ITCH: variants seen among roughly 807,000 people sequenced by gnomAD.
ITCH encodes the protein itchy E3 ubiquitin protein ligase.
In ITCH, 28 loss-of-function variants were observed where a neutral mutation model predicts 126.8. That is an observed-to-expected ratio of 0.22 (90% CI 0.16 to 0.30). The LOEUF is 0.30. ITCH is among the 10% of genes least tolerant of loss of function. The pLI, the probability that ITCH is intolerant of heterozygous loss-of-function variation, is 1.00. For missense variants in ITCH, 631 were observed against 1,032.4 expected, an observed-to-expected ratio of 0.61 and a Z score of 5.33; for synonymous variants, 342 against 340.0, an observed-to-expected ratio of 1.01 and a Z score of -0.06.
At chr20:34,381,052 T>G (rs2146020632) in intron 2 of ITCH, among the ~76,000 whole-genome samples, 1 of 152,116 alleles carries the variant, frequency 6.6e-6, no homozygotes, top group Middle Eastern at 3.4e-3. Context: ...CCTTTCGAAG[T>G]GCTGGGATTA....
chr20:34,378,083 G>GTCA (rs2037913743), intron 2 of ITCH, among the ~76,000 whole-genome samples: 2 of 150,514 alleles, frequency 1.3e-5, no homozygotes, highest in Admixed American at 1.3e-4. Flanking sequence ...AATACAAAAT[G>GTCA]TCATTATTTT....
chr20:34,427,516 G>A (rs1355565459), intron 7 of ITCH, among the ~76,000 whole-genome samples: 1 of 152,112 alleles, frequency 6.6e-6, no homozygotes, highest in African/African-American at 2.4e-5. Flanking sequence ...AGTGGGGAGG[G>A]TGCCCAAAGT....
chr20:34,475,307 TG>T (rs1317902816), intron 16 of ITCH, among the ~76,000 whole-genome samples: 1 of 152,086 alleles, frequency 6.6e-6, no homozygotes, highest in Non-Finnish European at 1.5e-5. Flanking sequence ...GGCAGGCGGC[TG>T]GGAGGTGGAG....
chr20:34,421,878 G>T (rs1458813086), intron 6 of ITCH, among the ~76,000 whole-genome samples: 1 of 152,102 alleles, frequency 6.6e-6, no homozygotes, highest in Non-Finnish European at 1.5e-5. Flanking sequence ...CTGATTTTGT[G>T]GTGGCATGCA....
intron 7 of ITCH, among the ~76,000 whole-genome samples, chr20:34,432,248 A>G (rs1468150930): frequency 6.6e-6 from 1 of 152,058 alleles, no homozygotes; most frequent in Non-Finnish European, 1.5e-5. Context: ...TTAAACTAAA[A>G]CCTCTAGAAG....
At chr20:34,468,913 G>GA (rs1326751113) in intron 14 of ITCH, among the ~76,000 whole-genome samples, 1 of 152,042 alleles carries the variant, frequency 6.6e-6, no homozygotes, top group East Asian at 1.9e-4. Context: ...GAAGAATCTA[G>GA]AAAAAATTAC....
chr20:34,483,095 C>T (rs1355930171), intron 20 of ITCH, among the ~76,000 whole-genome samples: 2 of 151,980 alleles, frequency 1.3e-5, no homozygotes, highest in Non-Finnish European at 1.5e-5. Context: ...GTGCACACAG[C>T]GTGGGGACCC....
At chr20:34,463,925 C>CT (rs1986777691) in intron 14 of ITCH, among the ~76,000 whole-genome samples, 1 of 151,706 alleles carries the variant, frequency 6.6e-6, no homozygotes, top group Non-Finnish European at 1.5e-5. Flanking sequence ...AGATAGTGCC[C>CT]TTTGATGTAT....
At chr20:34,380,734 A>T (rs777959287) in intron 2 of ITCH, among the ~76,000 whole-genome samples, 3 of 149,576 alleles carry the variant, frequency 2.0e-5, no homozygotes, top group Non-Finnish European at 4.4e-5. Flanking sequence ...TACAGGCATG[A>T]GCCACCGGCC....
intron 7 of ITCH, among the ~76,000 whole-genome samples, chr20:34,427,758 T>C (rs531107068): frequency 6.6e-6 from 1 of 152,354 alleles, no homozygotes; most frequent in East Asian, 1.9e-4. Context: ...TAAAATGTTT[T>C]AGTATTTCAG....
At chr20:34,484,821 A>G (rs1413027564) in intron 20 of ITCH, among the ~76,000 whole-genome samples, 1 of 152,156 alleles carries the variant, frequency 6.6e-6, no homozygotes, top group Admixed American at 6.5e-5. Context: ...GTGCTAGATC[A>G]CTCATTTAAT....
At chr20:34,501,611 A>G (rs1990249371) in intron 23 of ITCH, among the ~76,000 whole-genome samples, 1 of 152,096 alleles carries the variant, frequency 6.6e-6, no homozygotes, top group Non-Finnish European at 1.5e-5. Context: ...CCGTATCTCT[A>G]CTGAAAATAC....
At chr20:34,481,632 G>A (rs1988760970) in intron 20 of ITCH, among the ~76,000 whole-genome samples, 1 of 152,176 alleles carries the variant, frequency 6.6e-6, no homozygotes, top group Non-Finnish European at 1.5e-5. Flanking sequence ...CACCCTCATG[G>A]TGGAAGGCAA....
At chr20:34,401,984 C>T (rs896725127) in intron 3 of ITCH, among the ~76,000 whole-genome samples, 1 of 152,138 alleles carries the variant, frequency 6.6e-6, no homozygotes, top group African/African-American at 2.4e-5. Flanking sequence ...GGGGGCGGCG[C>T]ATAGCTATGG....
At chr20:34,384,411 ACTGG>A (rs2038194017) in intron 2 of ITCH, 1 of 150,932 alleles carries the variant, frequency 6.6e-6, no homozygotes, top group African/African-American at 2.5e-5. Flanking sequence ...CTCCTGAGTA[ACTGG>A]GATTACAGGC....
intron 22 of ITCH, 25 bp downstream of exon 22, chr20:34,489,951 T>C: frequency 6.5e-7 from 1 of 1,541,904 alleles, no homozygotes; most frequent in Non-Finnish European, 9.0e-7. Flanking sequence ...TTATTTCTAT[T>C]AGTTGACACA....
chr20:34,456,148 T>G lies in ITCH; in HGVS notation c.1211-1242T>G, dbSNP rs1031161847. Among the ~76,000 whole-genome samples the G allele has an allele frequency of 3.5e-5, 5 of 144,106 alleles. No homozygotes were observed. The East Asian group carries it at 9.9e-4, about 29-fold the overall frequency. The allele number at this position is 144,106 out of a possible 152,430, so 94.5% of individuals were successfully genotyped here. Reference sequence around the variant, plus strand: ...CATTATATTCCTTATTTTATATATATTTTTATATATTGTGTGTGTGTGTGT... The same window carrying G: ...CATTATATTCCTTATTTTATATATAGTTTTATATATTGTGTGTGTGTGTGT... On this transcript the variant is annotated intron_variant, in intron 12 of 24. Coordinates refer to ENST00000374864, the MANE Select transcript of ITCH (RefSeq NM_031483.7).
intron 7 of ITCH, among the ~76,000 whole-genome samples, chr20:34,433,966 G>A (rs1982672973): frequency 6.6e-6 from 1 of 152,044 alleles, no homozygotes; most frequent in East Asian, 1.9e-4. Context: ...TTTGTTCTTT[G>A]AAAGTCTGTT....
intron 2 of ITCH, among the ~76,000 whole-genome samples, chr20:34,391,069 A>T (rs2038473347): frequency 6.6e-6 from 1 of 152,210 alleles, no homozygotes; most frequent in South Asian, 2.1e-4. Flanking sequence ...TAATCATTTT[A>T]ACCATGTATG....
Sources: allele counts gnomAD v4.1 joint callset (sites outside exome capture counted in the v4.1 genomes callset), GRCh38; gene constraint gnomAD v4.1.1; transcripts MANE v1.5; gene names NCBI Gene and HGNC (gene_info 2026-07-23, HGNC 2026-07-21).